The following PLCL1 variants were observed in gnomAD, a reference collection of about 807,000 sequenced individuals.
PLCL1 encodes the protein inactive phospholipase C-like protein 1.
A neutral mutation model predicts 84.4 loss-of-function variants in PLCL1; 41 were observed. The ratio of observed to expected loss-of-function variants is 0.49; its 90% confidence interval spans 0.38 to 0.63. The LOEUF is 0.63. Ranked by LOEUF, PLCL1 falls within the 30% of genes least tolerant of loss-of-function variation. The pLI, the probability that PLCL1 is intolerant of heterozygous loss-of-function variation, is 0.00. For synonymous variants in PLCL1, 490 were observed against 488.3 expected (o/e 1.00, Z -0.05); for missense variants, 1,206 against 1,367.8 (o/e 0.88, Z 1.87).
intron 3 of PLCL1, among the ~76,000 whole-genome samples, chr2:198,090,934 T>C (rs1465793352): frequency 6.6e-6 from 1 of 152,246 alleles, no homozygotes; most frequent in Non-Finnish European, 1.5e-5. Flanking sequence ...TTTTGTTTTA[T>C]CTGCTGAAGC....
intron 1 of PLCL1, among the ~76,000 whole-genome samples, chr2:197,951,351 C>G (rs569114975): frequency 6.6e-6 from 1 of 152,180 alleles, no homozygotes; most frequent in East Asian, 1.9e-4. Context: ...TTCACATGAC[C>G]CTGCTCTTTC....
chr2:197,924,517 T>C (rs1688795784), intron 1 of PLCL1, among the ~76,000 whole-genome samples: 2 of 152,150 alleles, frequency 1.3e-5, no homozygotes, highest in South Asian at 4.2e-4. Flanking sequence ...GCTAAGTATT[T>C]TATGTGTATC....
chr2:197,858,391 T>C (rs1687368258), intron 1 of PLCL1, among the ~76,000 whole-genome samples: 1 of 152,144 alleles, frequency 6.6e-6, no homozygotes, highest in Non-Finnish European at 1.5e-5. Flanking sequence ...GAGCCATGTG[T>C]TCACATGGCT....
In PLCL1 at chr2:198,103,823, A is replaced by C; in HGVS notation, c.2996-4A>C. 1 of 1,544,722 alleles carries C rather than the reference A, an allele frequency of 6.5e-7. No individual in the cohort carries two copies. The highest frequency in any genetic ancestry group is 8.9e-7 in the Non-Finnish European group (1 of 1,126,950). ...CAGATTTCTTATGCATTCTTTCTTC[A>C]AAGGGATGGAGTTCCATGAAGAACT... On this transcript the variant is annotated splice_region_variant and splice_polypyrimidine_tract_variant and intron_variant, in intron 4 of 5. Coordinates refer to ENST00000428675, the MANE Select transcript of PLCL1 (RefSeq NM_006226.4).
At chr2:197,845,831 T>A (rs891110575) in intron 1 of PLCL1, among the ~76,000 whole-genome samples, 3 of 152,146 alleles carry the variant, frequency 2.0e-5, no homozygotes, top group African/African-American at 7.2e-5. Context: ...ACTACATACA[T>A]CCTGGGGACA....
intron 5 of PLCL1, among the ~76,000 whole-genome samples, chr2:198,140,789 A>C (rs1211600646): frequency 6.6e-6 from 1 of 152,080 alleles, no homozygotes; most frequent in Non-Finnish European, 1.5e-5. Flanking sequence ...TACTTTATAA[A>C]TTATTTTTTC....
chr2:197,981,761 C>T (rs1395317961), intron 1 of PLCL1, among the ~76,000 whole-genome samples: 3 of 152,084 alleles, frequency 2.0e-5, no homozygotes, highest in East Asian at 1.9e-4. Context: ...TGTAGAAAGA[C>T]GTCTCAAACT....
chr2:197,913,103 T>C (rs1274470294), intron 1 of PLCL1, among the ~76,000 whole-genome samples: 1 of 152,208 alleles, frequency 6.6e-6, no homozygotes, highest in Admixed American at 6.5e-5. Flanking sequence ...GTGTACATTT[T>C]GGCTTAATGA....
intron 1 of PLCL1, among the ~76,000 whole-genome samples, chr2:198,069,654 T>C (rs2105883920): frequency 6.6e-6 from 1 of 152,322 alleles, no homozygotes; most frequent in South Asian, 2.1e-4. Context: ...CTGGTGGTAA[T>C]TGAGCAGATT....
chr2:197,943,583 C>G (rs1384335065), intron 1 of PLCL1, among the ~76,000 whole-genome samples: 1 of 148,854 alleles, frequency 6.7e-6, no homozygotes, highest in African/African-American at 2.5e-5. Flanking sequence ...CCTTTCCTCA[C>G]TTCTTCCATA....
At chr2:198,065,291 G>T (rs1343458110) in intron 1 of PLCL1, among the ~76,000 whole-genome samples, 1 of 152,096 alleles carries the variant, frequency 6.6e-6, no homozygotes, top group African/African-American at 2.4e-5. Context: ...CTCAATCCAG[G>T]ATGAGTAAGG....
At chr2:197,867,291 T>C (rs1687567061) in intron 1 of PLCL1, among the ~76,000 whole-genome samples, 1 of 152,146 alleles carries the variant, frequency 6.6e-6, no homozygotes, top group Admixed American at 6.5e-5. Flanking sequence ...TACACATAGA[T>C]AGTGAATACT....
At chr2:198,100,630 C>G (rs1693309415) in intron 3 of PLCL1, among the ~76,000 whole-genome samples, 1 of 152,078 alleles carries the variant, frequency 6.6e-6, no homozygotes, top group Non-Finnish European at 1.5e-5. Context: ...GAGAAAATGA[C>G]AAAGCCAGGA....
intron 1 of PLCL1, among the ~76,000 whole-genome samples, chr2:198,061,692 C>T (rs1281351395): frequency 6.6e-6 from 1 of 152,156 alleles, no homozygotes; most frequent in South Asian, 2.1e-4. Flanking sequence ...TTCCACCTCC[C>T]GGGTTCAAGC....
At chr2:198,061,034 C>T (rs1263171393) in intron 1 of PLCL1, among the ~76,000 whole-genome samples, 1 of 152,084 alleles carries the variant, frequency 6.6e-6, no homozygotes, top group African/African-American at 2.4e-5. Context: ...GTAAACAAAT[C>T]CCAATTGGAA....
chr2:197,953,482 T>G (rs1051945419), intron 1 of PLCL1, among the ~76,000 whole-genome samples: 9 of 152,062 alleles, frequency 5.9e-5, no homozygotes, highest in Non-Finnish European at 1.2e-4. Flanking sequence ...ATGCACAGGC[T>G]GAGTGCAAGT....
chr2:197,834,134 C>G (rs927446088), intron 1 of PLCL1, among the ~76,000 whole-genome samples: 4 of 152,116 alleles, frequency 2.6e-5, no homozygotes, highest in Admixed American at 2.0e-4. Context: ...GAAACTGGAC[C>G]CCTTCCTTAA....
chr2:198,085,540 G>A lies in PLCL1; in HGVS notation c.2023G>A (p.Gly675Ser), dbSNP rs1440993633. 12 of 1,613,794 alleles carry A rather than the reference G, an allele frequency of 7.4e-6. No homozygotes were observed. The highest frequency in any genetic ancestry group is 1.0e-5 in the Non-Finnish European group (12 of 1,179,912). The change falls in exon 2 of 6, where the codon GGT becomes AGT. Residue 675 changes from glycine to serine, a missense_variant. Transcript: ENST00000428675. This position sits in a 1 kb window ranked among gnomAD's most constrained non-coding sequence, Gnocchi z 5.3. ...QIVAMNFQTP[G>S]PMMDLHTGWF... ...TGTAGCAATGAATTTTCAGACTCCG[G>A]GTCCAATGATGGACCTTCACACGGG...
At chr2:198,143,313 C>T (rs549937188) in intron 5 of PLCL1, among the ~76,000 whole-genome samples, 1 of 152,138 alleles carries the variant, frequency 6.6e-6, no homozygotes. Flanking sequence ...AATGTCGCTG[C>T]TGATGTGACA....
Sources: gnomAD v4.1 joint callset for allele counts (sites outside exome capture counted in the v4.1 genomes callset) on GRCh38, gnomAD v4.1.1 for gene constraint, Gnocchi (gnomAD v3.1) non-coding constraint, MANE v1.5 for transcripts, NCBI Gene and HGNC (gene_info 2026-07-23, HGNC 2026-07-21) for gene names.